Variants in HEATR3 observed in about 807,000 individuals in gnomAD.
HEATR3 encodes the protein HEAT repeat-containing protein 3.
In HEATR3, 56 loss-of-function variants were observed where a neutral mutation model predicts 72.8. The ratio of observed to expected loss-of-function variants is 0.77; its 90% CI spans 0.62 to 0.96. The LOEUF is 0.96. Ranked by LOEUF, HEATR3 falls within the 40% of genes least tolerant of loss-of-function variation. The pLI is 0.00. For synonymous variants in HEATR3, 331 were observed against 318.1 expected, an observed-to-expected ratio of 1.04 and a Z score of -0.43; for missense variants, 747 against 831.4, an observed-to-expected ratio of 0.90 and a Z score of 1.25.
At chr16:50,091,873 CAAAAAAA>C (rs1157532465) in intron 11 of HEATR3, among the ~76,000 whole-genome samples, 1 of 62,486 alleles carries the variant, frequency 1.6e-5, no homozygotes, top group African/African-American at 6.4e-5. Flanking sequence ...GACTCTGTCT[CAAAAAAA>C]AAAAAAAAAA....
intron 5 of HEATR3, chr16:50,074,981 C>CAA (rs71138029): frequency 4.1e-4 from 60 of 146,896 alleles, no homozygotes; most frequent in Admixed American, 8.1e-4. Context: ...GACTCCATCT[C>CAA]AAAAAAAAAA....
At chr16:50,102,481 T>G (rs776416640) in intron 14 of HEATR3, 46 bp downstream of exon 14, 1 of 1,569,676 alleles carries the variant, frequency 6.4e-7, no homozygotes, top group Admixed American at 1.7e-5. Flanking sequence ...GAACATTCTG[T>G]GGGGACAAGG....
chr16:50,097,074 AT>A (rs892299642), intron 12 of HEATR3, among the ~76,000 whole-genome samples: 2 of 152,030 alleles, frequency 1.3e-5, no homozygotes, highest in African/African-American at 4.8e-5. Flanking sequence ...TTATTTATTT[AT>A]TTATTTTTTG....
chr16:50,077,077 T>C (rs1012997266), intron 6 of HEATR3, among the ~76,000 whole-genome samples: 2 of 152,030 alleles, frequency 1.3e-5, no homozygotes, highest in African/African-American at 4.8e-5. Flanking sequence ...GGTTTCACTG[T>C]GTTAGCCAGG....
chr16:50,066,588 G>A (rs372393856), intron 2 of HEATR3, 49 bp downstream of exon 2: 1 of 1,259,254 alleles, frequency 7.9e-7, no homozygotes, highest in Non-Finnish European at 1.0e-6. Flanking sequence ...CCTCCCCCGC[G>A]TCTGGGCTGC....
In HEATR3 at chr16:50,066,377, C is replaced by G. The variant is rs201712548; in HGVS notation, c.149C>G (p.Pro50Arg). ...AAELLEKLQH[P>R]SAEVRECACA... ...CGCTCTCATCCGCAGCTCCAGCACC[C>G]GAGCGCCGAGGTCCGCGAGTGCGCC... Residue 50 changes from proline to arginine, a missense_variant, in exon 2 of 15, where the codon CCG becomes CGG. This residue lies in a region of HEATR3 where 161 missense variants were observed against 122.6 expected (regional missense o/e 1.31). Transcript: ENST00000299192. 5.2e-6 allele frequency: 8 copies of G among 1,547,654 alleles called. No homozygotes were observed. Among genetic ancestry groups the G allele is most frequent in the Middle Eastern group, 1.7e-4 (1 of 5,906 alleles).
Position 50,094,724 on chromosome 16 carries a change from C to T in HEATR3, c.1530C>T (p.Asp510=). ...TTTTAGATTTTGCTAAACATGTTGACTTTCTAGAAGCCATAAGTAGTGCTT... is the reference window on the plus strand; with the variant it reads ...TTTTAGATTTTGCTAAACATGTTGATTTTCTAGAAGCCATAAGTAGTGCTT... The part of the protein sequence containing the change: ...FSQPDFAKHV[D]FLEAISSALR... Residue 510 remains aspartate, a synonymous_variant, in exon 12 of 15, where the codon GAC becomes GAT. Transcript: ENST00000299192. 1.9e-6 allele frequency: 3 copies of T among 1,570,164 alleles called. No individual in the cohort carries two copies. Among genetic ancestry groups the T allele is most frequent in the Non-Finnish European group, 2.6e-6 (3 of 1,161,106 alleles).
chr16:50,096,318 C>T (rs1405256452), intron 12 of HEATR3, among the ~76,000 whole-genome samples: 3 of 84,246 alleles, frequency 3.6e-5, no homozygotes, highest in Admixed American at 3.5e-4. Flanking sequence ...GAGCAAGACT[C>T]CGTCTCAAAA....
Position 50,100,368 on chromosome 16 carries a change from C to G in HEATR3, c.1738C>G (p.Leu580Val). 1 of 1,613,792 alleles carries G rather than the reference C, an allele frequency of 6.2e-7. No individual in the cohort carries two copies. The highest frequency in any genetic ancestry group is 2.2e-5 in the East Asian group (1 of 44,868). Residue 580 changes from leucine to valine, a missense_variant, in exon 13 of 15, where the codon CTT (leucine) becomes GTT (valine). By Grantham distance (32) the Leu-to-Val change is conservative (BLOSUM62 1). Coordinates refer to ENST00000299192, the MANE Select transcript of HEATR3 (RefSeq NM_182922.4). ...LAKEDGTLET[L>V]KNIGCFLLEV... Reference sequence around the variant, plus strand: ...CAAAGAAGATGGTACACTTGAAACTCTTAAGGTAAAACAATTTGCTTCTGA... The same window carrying G: ...CAAAGAAGATGGTACACTTGAAACTGTTAAGGTAAAACAATTTGCTTCTGA...
In HEATR3 at chr16:50,105,091, C is replaced by T. The variant is rs1402964841; in HGVS notation, c.*30C>T. ...TCCAAAAAAGAAACCAGTTCTTCCC[C>T]CAAAGTATTCAATGCTTAGAATACT... On this transcript the variant is annotated 3_prime_UTR_variant, in exon 15 of 15. Transcript: ENST00000299192. The T allele has an allele frequency of 1.2e-6, 2 of 1,601,426 alleles. No homozygotes were observed. The highest frequency in any genetic ancestry group is 1.1e-5 in the South Asian group (1 of 88,580).
chr16:50,073,276 C>T (rs980817844), intron 5 of HEATR3: 1 of 152,970 alleles, frequency 6.5e-6, no homozygotes, highest in Non-Finnish European at 1.5e-5. Flanking sequence ...TGGGGAACCA[C>T]TGGGGACCCT....
At chr16:50,093,027 A>C (rs963426984) in intron 11 of HEATR3, among the ~76,000 whole-genome samples, 3 of 152,196 alleles carry the variant, frequency 2.0e-5, no homozygotes, top group Non-Finnish European at 4.4e-5. Flanking sequence ...ATTATGTCAA[A>C]GGCAGCTCTC....
intron 2 of HEATR3, among the ~76,000 whole-genome samples, chr16:50,068,046 A>C (rs183217002): frequency 2.0e-5 from 3 of 152,048 alleles, no homozygotes; most frequent in Admixed American, 2.0e-4. Context: ...TCACCAGTTG[A>C]TGGAGGGGGG....
intron 4 of HEATR3, among the ~76,000 whole-genome samples, chr16:50,070,709 A>G (rs897164076): frequency 5.9e-5 from 9 of 152,112 alleles, no homozygotes; most frequent in Non-Finnish European, 8.8e-5. Context: ...TCTCAAAAAA[A>G]AAAAAGACTT....
intron 4 of HEATR3, among the ~76,000 whole-genome samples, chr16:50,071,640 C>A (rs1395471117): frequency 6.6e-6 from 1 of 152,014 alleles, no homozygotes; most frequent in Non-Finnish European, 1.5e-5. Flanking sequence ...ACATATATGC[C>A]TTGTCTTCCT....
At chr16:50,086,939 A>G (rs2037001415) in intron 11 of HEATR3, among the ~76,000 whole-genome samples, 4 of 152,150 alleles carry the variant, frequency 2.6e-5, no homozygotes, top group Admixed American at 2.6e-4. Flanking sequence ...CAAAATAATA[A>G]TAATAATAAT....
Position 50,066,044 on chromosome 16 carries a change from G to A in HEATR3, c.-88G>A, listed in dbSNP as rs1398869079. The A allele has an allele frequency of 5.2e-6, 7 of 1,340,390 alleles. No homozygotes were observed. Among genetic ancestry groups the A allele is most frequent in the South Asian group, 3.8e-5 (3 of 79,966 alleles). 83.0% of individuals were successfully genotyped at this position (1,340,390 alleles called of 1,614,324 possible). On this transcript the variant is annotated 5_prime_UTR_variant, in exon 1 of 15. Transcript: ENST00000299192. ...CGTCAGCCGGCCCAGCTGAGCAGCA[G>A]CAACGGACCTTGTTAACGGCGCGGC...
chr16:50,078,664 C>A, intron 6 of HEATR3, 77 bp from the exon 7 acceptor site: 1 of 1,421,142 alleles, frequency 7.0e-7, no homozygotes, highest in Non-Finnish European at 9.5e-7. Flanking sequence ...GCCTTAAAAG[C>A]TCCAGTCTTG....
rs2037036716 is a variant in HEATR3 at position 50,088,445 on chromosome 16, C to G, written c.1510+2094C>G. 2.0e-5 allele frequency among the ~76,000 whole-genome samples: 3 copies of G among 152,304 alleles called. No homozygotes were observed. The South Asian group carries it at 6.2e-4, about 32-fold the overall frequency. On this transcript the variant is annotated intron_variant, in intron 11 of 14. Transcript: ENST00000299192. ...CTGGAATGATCCCATGAAAGCTGTG[C>G]CCAGCCATGCCCAGGACAGGATATA...
Sources: gnomAD v4.1 joint callset for allele counts (sites outside exome capture counted in the v4.1 genomes callset) on GRCh38, gnomAD v4.1.1 for gene constraint, gnomAD v4.1.1 regional missense constraint, MANE v1.5 for transcripts, NCBI Gene and HGNC (gene_info 2026-07-23, HGNC 2026-07-21) for gene names.